The following SPSB1 variants were observed in gnomAD, a reference collection of about 807,000 sequenced individuals.
The protein encoded by SPSB1 is SPRY domain-containing SOCS box protein 1.
A neutral mutation model predicts 21.2 loss-of-function variants in SPSB1; 8 were observed. That is an observed-to-expected ratio of 0.38 (90% confidence interval 0.22 to 0.68). SPSB1 has a LOEUF of 0.68. Among genes scored for constraint, SPSB1 ranks in the 30% least tolerant of loss-of-function variants. The pLI is 0.53. For missense variants in SPSB1, 242 were observed against 377.8 expected (o/e 0.64, Z 2.98); for synonymous variants, 169 against 161.7 (o/e 1.05, Z -0.34).
At chr1:9,357,182 T>C (rs1640383618) in intron 2 of SPSB1, among the ~76,000 whole-genome samples, 1 of 150,124 alleles carries the variant, frequency 6.7e-6, no homozygotes, top group African/African-American at 2.5e-5. Context: ...GGTGGATGGA[T>C]GAGTGGATGG....
At chr1:9,341,532 C>G (rs1640090399) in intron 1 of SPSB1, among the ~76,000 whole-genome samples, 2 of 152,234 alleles carry the variant, frequency 1.3e-5, no homozygotes, top group South Asian at 4.1e-4. Flanking sequence ...TGTTTTCCCA[C>G]TGTTCACCAG....
intron 1 of SPSB1, among the ~76,000 whole-genome samples, chr1:9,337,493 G>T (rs1217975746): frequency 2.0e-5 from 3 of 152,112 alleles, no homozygotes; most frequent in Non-Finnish European, 4.4e-5. Context: ...AGCCCTCTTT[G>T]GGGGGATGGG....
chr1:9,339,841 G>A (rs11121377), intron 1 of SPSB1, among the ~76,000 whole-genome samples: 64,238 of 152,084 alleles, frequency 0.42, 15,205 homozygotes, highest in Middle Eastern at 0.56. Flanking sequence ...AGGGGAAGCT[G>A]CCTGCTCCTT....
intron 1 of SPSB1, among the ~76,000 whole-genome samples, chr1:9,351,997 C>T (rs1275469697): frequency 2.6e-5 from 4 of 152,194 alleles, no homozygotes; most frequent in Non-Finnish European, 5.9e-5. Flanking sequence ...ACCCTCTTTC[C>T]CCAGCCTCCC....
At position 9,321,871 on chromosome 1, in the gene SPSB1, TGG is replaced by T. The variant is rs1385106568; in HGVS notation, c.-150+28803_-150+28804del. On this transcript the variant is annotated intron_variant, in intron 1 of 2. Transcript: ENST00000328089. This position sits in a 1 kb window ranked among gnomAD's most constrained non-coding sequence, Gnocchi z 4.8. ...CTTGGGTGGTGTTTTATGGGCAGAG[TGG>T]GGTGGGGAATATGACAGCAGCAAGA... 3.3e-5 allele frequency among the ~76,000 whole-genome samples: 5 copies of T among 151,490 alleles called. No individual in the cohort carries two copies. The highest frequency in any genetic ancestry group is 3.3e-4 in the Admixed American group (5 of 15,192).
At chr1:9,315,477 A>G (rs1275083786) in intron 1 of SPSB1, among the ~76,000 whole-genome samples, 1 of 152,252 alleles carries the variant, frequency 6.6e-6, no homozygotes, top group Non-Finnish European at 1.5e-5. Context: ...CGTTTTACAG[A>G]TGAGGAAACC....
chr1:9,332,687 T>C (rs1639941023), intron 1 of SPSB1, among the ~76,000 whole-genome samples: 1 of 151,886 alleles, frequency 6.6e-6, no homozygotes, highest in Admixed American at 6.6e-5. Context: ...CCTTAGAGAG[T>C]GAGTCAGATA....
At chr1:9,353,230 T>C (rs1640297186) in intron 1 of SPSB1, among the ~76,000 whole-genome samples, 1 of 151,776 alleles carries the variant, frequency 6.6e-6, no homozygotes, top group Non-Finnish European at 1.5e-5. Flanking sequence ...CCTCCCAGCC[T>C]TCCTACAGCT....
At chr1:9,323,177 C>T (rs368059849) in intron 1 of SPSB1, among the ~76,000 whole-genome samples, 1 of 152,368 alleles carries the variant, frequency 6.6e-6, no homozygotes, top group Non-Finnish European at 1.5e-5. Flanking sequence ...ATCCATGGGG[C>T]CTCTGTCCCG....
At chr1:9,357,471 C>G (rs552383871) in intron 2 of SPSB1, among the ~76,000 whole-genome samples, 1 of 152,226 alleles carries the variant, frequency 6.6e-6, no homozygotes, top group East Asian at 1.9e-4. Flanking sequence ...AGCATATCAT[C>G]GAGCTGGGGT....
Position 9,367,798 on chromosome 1 carries a change from T to C in SPSB1, c.*223T>C. The stretch of plus-strand genomic sequence containing the variant: ...CGACATCAGCAGAAGGCAGCATCCC[T>C]GCATGCCGTCCGTATACAACCCCTC... On this transcript the variant is annotated 3_prime_UTR_variant, in exon 3 of 3. Transcript: ENST00000328089. The surrounding 1 kb of genome is among the most constrained non-coding windows in gnomAD (Gnocchi z 5.9). 1.6e-6 allele frequency: 1 copy of C among 642,944 alleles called. No individual in the cohort carries two copies. The highest frequency in any genetic ancestry group is 2.6e-6 in the Non-Finnish European group (1 of 380,946). The allele number at this position is 642,944 out of a possible 1,614,324, so 39.8% of individuals were successfully genotyped here. A position where few individuals can be genotyped will look rare whatever the true frequency, so the allele number is the denominator to read the frequency against.
At chr1:9,358,926 G>T (rs1640420813) in intron 2 of SPSB1, among the ~76,000 whole-genome samples, 1 of 152,234 alleles carries the variant, frequency 6.6e-6, no homozygotes, top group Non-Finnish European at 1.5e-5. Flanking sequence ...CATGTCCTGT[G>T]AATAGGCGAT....
intron 1 of SPSB1, among the ~76,000 whole-genome samples, chr1:9,298,895 G>A (rs28790087): frequency 1.3e-5 from 2 of 152,240 alleles, no homozygotes; most frequent in Non-Finnish European, 2.9e-5. Flanking sequence ...GAAAGGCCAA[G>A]TGGAAACCAT....
intron 1 of SPSB1, among the ~76,000 whole-genome samples, chr1:9,350,976 C>T (rs1170566249): frequency 1.3e-5 from 2 of 152,200 alleles, no homozygotes; most frequent in African/African-American, 2.4e-5. Context: ...TAACAGGAGC[C>T]ATCCAGGCAC....
chr1:9,351,630 G>C (rs1392719660), intron 1 of SPSB1: 1 of 152,214 alleles, frequency 6.6e-6, no homozygotes, highest in Non-Finnish European at 1.5e-5. Context: ...CCAGCTCCTG[G>C]GGACCCGCAG....
At chr1:9,304,338 G>A (rs2100463470) in intron 1 of SPSB1, among the ~76,000 whole-genome samples, 1 of 152,260 alleles carries the variant, frequency 6.6e-6, no homozygotes, top group Non-Finnish European at 1.5e-5. Flanking sequence ...GCCTGTAGTG[G>A]GACTCAGCCT....
chr1:9,325,238 GCCCC>G (rs1639799512), intron 1 of SPSB1, among the ~76,000 whole-genome samples: 1 of 131,370 alleles, frequency 7.6e-6, no homozygotes. Flanking sequence ...CCCCCCCCCC[GCCCC>G]GCCTCCACCG....
chr1:9,362,355 C>T (rs1320245088), intron 2 of SPSB1, among the ~76,000 whole-genome samples: 1 of 152,240 alleles, frequency 6.6e-6, no homozygotes, highest in Non-Finnish European at 1.5e-5. Flanking sequence ...CGTCCTTCCC[C>T]AGTTGACAAG....
intron 1 of SPSB1, chr1:9,351,459 T>G (rs1356841041): frequency 1.3e-5 from 2 of 152,048 alleles, no homozygotes; most frequent in African/African-American, 4.8e-5. Flanking sequence ...CTCCACTGAG[T>G]TTTAGGTAAG....
Sources: gnomAD v4.1 joint callset for allele counts (sites outside exome capture counted in the v4.1 genomes callset) on GRCh38, gnomAD v4.1.1 for gene constraint, Gnocchi (gnomAD v3.1) non-coding constraint, MANE v1.5 for transcripts, NCBI Gene and HGNC (gene_info 2026-07-23, HGNC 2026-07-21) for gene names.